The following RBFOX3 variants were observed in gnomAD, a reference collection of about 807,000 sequenced individuals.
The protein encoded by RBFOX3 is RNA binding protein fox-1 homolog 3.
In RBFOX3, 17 loss-of-function variants were observed where a neutral mutation model predicts 48.7. The ratio of observed to expected loss-of-function variants is 0.35; its 90% CI spans 0.24 to 0.52. RBFOX3 has a LOEUF of 0.52. Among genes scored for constraint, RBFOX3 ranks in the 20% least tolerant of loss-of-function variants. RBFOX3 has a pLI of 0.94. For missense variants in RBFOX3, 382 were observed against 497.5 expected (o/e 0.77, Z 2.21); for synonymous variants, 212 against 209.5 (o/e 1.01, Z -0.10).
intron 4 of RBFOX3, among the ~76,000 whole-genome samples, chr17:79,167,418 C>T (rs1568267917): frequency 6.6e-6 from 1 of 152,204 alleles, no homozygotes; most frequent in Non-Finnish European, 1.5e-5. Context: ...ACTGAGCACC[C>T]TCCAAGGAGG....
chr17:79,296,774 T>C (rs11867344), intron 3 of RBFOX3, among the ~76,000 whole-genome samples: 44,209 of 140,992 alleles, frequency 0.31, 7,511 homozygotes, highest in African/African-American at 0.43. Flanking sequence ...TACTCCTCTC[T>C]GTCTTTCTCC....
chr17:79,607,678 G>T (rs1457188883), intron 1 of RBFOX3, among the ~76,000 whole-genome samples: 1 of 152,216 alleles, frequency 6.6e-6, no homozygotes, highest in African/African-American at 2.4e-5. Flanking sequence ...CAGCAGCAAG[G>T]CACCTCCAAC....
At chr17:79,398,739 C>G (rs1354784468) in intron 2 of RBFOX3, among the ~76,000 whole-genome samples, 1 of 152,200 alleles carries the variant, frequency 6.6e-6, no homozygotes, top group African/African-American at 2.4e-5. Flanking sequence ...AGGGCAGGGG[C>G]ACAGTGGCCA....
intron 4 of RBFOX3, among the ~76,000 whole-genome samples, chr17:79,197,524 G>C (rs1567824713): frequency 6.7e-6 from 1 of 150,316 alleles, no homozygotes; most frequent in Admixed American, 6.7e-5. Context: ...GAGTAGCTGG[G>C]ATTACAGGCA....
chr17:79,170,486 G>A (rs1016896890), intron 4 of RBFOX3, among the ~76,000 whole-genome samples: 1 of 152,032 alleles, frequency 6.6e-6, no homozygotes, highest in Non-Finnish European at 1.5e-5. Flanking sequence ...GGGCTGGGGG[G>A]GCAAGGCCTG....
intron 3 of RBFOX3, among the ~76,000 whole-genome samples, chr17:79,290,665 T>G (rs1048093433): frequency 1.3e-5 from 2 of 152,136 alleles, no homozygotes; most frequent in African/African-American, 4.8e-5. Flanking sequence ...GGGAAATAAA[T>G]GATATTTAGG....
chr17:79,393,245 T>A (rs1456669576), intron 2 of RBFOX3, among the ~76,000 whole-genome samples: 6 of 152,258 alleles, frequency 3.9e-5, no homozygotes, highest in Admixed American at 2.6e-4. Flanking sequence ...AGCCGCCTGC[T>A]GCAGCACAGG....
At chr17:79,447,558 GA>G in intron 2 of RBFOX3, among the ~76,000 whole-genome samples, 1 of 152,382 alleles carries the variant, frequency 6.6e-6, no homozygotes, top group Non-Finnish European at 1.5e-5. Flanking sequence ...GAGAAGTCAA[GA>G]AGTTGCCCAA....
At chr17:79,464,028 G>T (rs565764903) in intron 2 of RBFOX3, among the ~76,000 whole-genome samples, 1 of 152,344 alleles carries the variant, frequency 6.6e-6, no homozygotes, top group Admixed American at 6.5e-5. Context: ...TCCTAGGGCT[G>T]CTCTGCAAAA....
intron 1 of RBFOX3, among the ~76,000 whole-genome samples, chr17:79,500,346 C>T (rs1020893324): frequency 7.3e-5 from 11 of 151,494 alleles, no homozygotes; most frequent in African/African-American, 2.4e-4. Context: ...CAACCTCCGC[C>T]TCCGGGGTTC....
intron 2 of RBFOX3, among the ~76,000 whole-genome samples, chr17:79,464,437 G>T (rs1165909936): frequency 2.6e-5 from 4 of 152,242 alleles, no homozygotes; most frequent in Non-Finnish European, 1.5e-5. Context: ...GGACACAGAG[G>T]TGTCACGTGC....
At chr17:79,360,522 A>T (rs2086128412) in intron 2 of RBFOX3, among the ~76,000 whole-genome samples, 1 of 152,236 alleles carries the variant, frequency 6.6e-6, no homozygotes, top group African/African-American at 2.4e-5. Flanking sequence ...CTCCATCCTC[A>T]TTGAAGTGAA....
chr17:79,241,229 G>A (rs1458961080), intron 3 of RBFOX3, among the ~76,000 whole-genome samples: 2 of 150,712 alleles, frequency 1.3e-5, no homozygotes, highest in South Asian at 4.2e-4. Context: ...GCCCAGGTTG[G>A]TCTTGAACTC....
intron 2 of RBFOX3, among the ~76,000 whole-genome samples, chr17:79,369,420 T>C (rs1452621292): frequency 2.6e-5 from 4 of 152,014 alleles, no homozygotes; most frequent in Admixed American, 2.6e-4. Flanking sequence ...AGGACACGCG[T>C]TTCGGAGGGT....
At chr17:79,149,443 C>T (rs2043820351) in intron 4 of RBFOX3, among the ~76,000 whole-genome samples, 1 of 152,176 alleles carries the variant, frequency 6.6e-6, no homozygotes, top group African/African-American at 2.4e-5. Context: ...ACGGGCATTG[C>T]TGTCCTGGGG....
chr17:79,632,388 T>C, the RBFOX3 span, among the ~76,000 whole-genome samples: 1 of 152,030 alleles, frequency 6.6e-6, no homozygotes, highest in South Asian at 2.1e-4. Flanking sequence ...TTCGGGATCC[T>C]GGATGATTCT....
At chr17:79,536,289 G>C (rs1165757059) in intron 1 of RBFOX3, among the ~76,000 whole-genome samples, 1 of 152,192 alleles carries the variant, frequency 6.6e-6, no homozygotes, top group Non-Finnish European at 1.5e-5. Flanking sequence ...TGTGGGCCAG[G>C]CTGAACTTTT....
intron 1 of RBFOX3, among the ~76,000 whole-genome samples, chr17:79,527,102 G>A (rs1222980316): frequency 6.6e-6 from 1 of 152,124 alleles, no homozygotes; most frequent in African/African-American, 2.4e-5. Flanking sequence ...TTCTCTTCCC[G>A]CCACTCTGAG....
At chr17:79,573,059 C>T (rs913512666) in intron 1 of RBFOX3, among the ~76,000 whole-genome samples, 18 of 152,228 alleles carry the variant, frequency 1.2e-4, no homozygotes, top group African/African-American at 4.1e-4. Flanking sequence ...GTCCTGGGTA[C>T]ACCTGGCAGC....
Sources: allele counts gnomAD v4.1 joint callset (sites outside exome capture counted in the v4.1 genomes callset), GRCh38; gene constraint gnomAD v4.1.1; transcripts MANE v1.5; gene names NCBI Gene and HGNC (gene_info 2026-07-23, HGNC 2026-07-21).